CDH18: variants seen among roughly 807,000 people sequenced by gnomAD.
CDH18 encodes cadherin-18.
CDH18 carries 31 observed loss-of-function variants against 67.9 expected under a neutral mutation model. That is an observed-to-expected ratio of 0.46 (90% CI 0.34 to 0.62). The LOEUF is 0.62. Among genes scored for constraint, CDH18 ranks in the 20% least tolerant of loss-of-function variants. The pLI is 0.01. For synonymous variants in CDH18, 362 were observed against 347.2 expected (o/e 1.04, Z -0.48); for missense variants, 890 against 975.5 (o/e 0.91, Z 1.17).
intron 1 of CDH18, among the ~76,000 whole-genome samples, chr5:20,477,697 A>G (rs1445379658): frequency 2.0e-5 from 3 of 152,138 alleles, no homozygotes; most frequent in South Asian, 2.1e-4. Flanking sequence ...CTTGACAGTC[A>G]GTATAGGACA....
At chr5:19,708,445 CA>C (rs911441815) in intron 5 of CDH18, among the ~76,000 whole-genome samples, 89 of 148,732 alleles carry the variant, frequency 6.0e-4, no homozygotes, top group Non-Finnish European at 8.9e-4. Context: ...TATCATCTTG[CA>C]AAAAAAAAGG....
chr5:19,525,565 T>A (rs1747632434), intron 9 of CDH18, among the ~76,000 whole-genome samples: 1 of 152,200 alleles, frequency 6.6e-6, no homozygotes, highest in African/African-American at 2.4e-5. Flanking sequence ...TAAAGTAATT[T>A]CTGGTGCAAA....
At chr5:19,666,734 G>A (rs1335488565) in intron 5 of CDH18, among the ~76,000 whole-genome samples, 1 of 152,036 alleles carries the variant, frequency 6.6e-6, no homozygotes. Flanking sequence ...AAGAGAACTA[G>A]GATATTTCAG....
At chr5:19,907,691 T>C (rs940135639) in intron 2 of CDH18, among the ~76,000 whole-genome samples, 2 of 152,044 alleles carry the variant, frequency 1.3e-5, no homozygotes, top group African/African-American at 2.4e-5. Flanking sequence ...TGACTTTTTT[T>C]CACCTACAAT....
chr5:19,854,850 C>T (rs111836425), intron 2 of CDH18, among the ~76,000 whole-genome samples: 3,757 of 151,270 alleles, frequency 0.025, 159 homozygotes, highest in African/African-American at 0.085. Context: ...TTTTTGTATC[C>T]ATTAACCATT....
At chr5:19,576,772 A>C (rs980918730) in intron 7 of CDH18, among the ~76,000 whole-genome samples, 4 of 152,198 alleles carry the variant, frequency 2.6e-5, no homozygotes, top group Non-Finnish European at 5.9e-5. Context: ...AGTATCCCAA[A>C]GACATGGCTG....
At chr5:20,464,289 A>G (rs1324120186) in intron 1 of CDH18, among the ~76,000 whole-genome samples, 2 of 152,194 alleles carry the variant, frequency 1.3e-5, no homozygotes, top group African/African-American at 2.4e-5. Flanking sequence ...TGCACATTAA[A>G]TGTATTTGCA....
At chr5:20,539,733 TACAC>T (rs67594407) in intron 1 of CDH18, among the ~76,000 whole-genome samples, 35,642 of 146,340 alleles carry the variant, frequency 0.24, 4,554 homozygotes, top group East Asian at 0.45. Context: ...CCACCACCAC[TACAC>T]ACACACACAC....
chr5:19,842,927 G>T (rs973546091), intron 2 of CDH18, among the ~76,000 whole-genome samples: 2 of 152,146 alleles, frequency 1.3e-5, no homozygotes, highest in Non-Finnish European at 2.9e-5. Context: ...GTGCCATTTT[G>T]TCCGTGTACT....
Position 20,253,986 on chromosome 5 carries a change from G to A in CDH18, c.-518+1458C>T, listed in dbSNP as rs543851255. 2.0e-5 allele frequency among the ~76,000 whole-genome samples: 3 copies of A among 152,252 alleles called. No individual in the cohort carries two copies. The South Asian group carries it at 6.2e-4, about 32-fold the overall frequency. On this transcript the variant is annotated intron_variant, in intron 2 of 14. Transcript: ENST00000507958. ...CATCACAAAAGAAAAAGTTCTTAAA[G>A]GAAGCTAGAGAGAAGGGTCAAATCA...
At chr5:19,526,312 A>C (rs1295693139) in intron 9 of CDH18, among the ~76,000 whole-genome samples, 1 of 152,148 alleles carries the variant, frequency 6.6e-6, no homozygotes, top group Non-Finnish European at 1.5e-5. Flanking sequence ...TCTGTGCTTT[A>C]TGCAACATTA....
chr5:19,754,912 C>A (rs1450025663), intron 3 of CDH18, among the ~76,000 whole-genome samples: 1 of 152,022 alleles, frequency 6.6e-6, no homozygotes, highest in Non-Finnish European at 1.5e-5. Context: ...CCTGAATCAG[C>A]CCTGGGTCAA....
intron 1 of CDH18, among the ~76,000 whole-genome samples, chr5:20,356,605 T>C (rs1416289797): frequency 6.6e-6 from 1 of 151,830 alleles, no homozygotes; most frequent in Non-Finnish European, 1.5e-5. Context: ...GAAAATACAT[T>C]ATTAATTGAA....
intron 1 of CDH18, among the ~76,000 whole-genome samples, chr5:20,470,602 T>C (rs2150238046): frequency 6.6e-6 from 1 of 152,248 alleles, no homozygotes; most frequent in Admixed American, 6.5e-5. Context: ...CCTGCATACA[T>C]CACCTTCACT....
At chr5:19,534,086 G>T (rs956354053) in intron 9 of CDH18, among the ~76,000 whole-genome samples, 1 of 152,044 alleles carries the variant, frequency 6.6e-6, no homozygotes, top group Non-Finnish European at 1.5e-5. Flanking sequence ...AAATGTGGTG[G>T]ATATTGTGAT....
chr5:19,996,858 G>A (rs78836581), intron 2 of CDH18, among the ~76,000 whole-genome samples: 2,208 of 151,966 alleles, frequency 0.015, 61 homozygotes, highest in African/African-American at 0.05. Context: ...AACAATATGG[G>A]TCTCTGTGAA....
intron 1 of CDH18, among the ~76,000 whole-genome samples, chr5:20,547,329 G>A (rs542175734): frequency 2.0e-5 from 3 of 152,080 alleles, no homozygotes; most frequent in Non-Finnish European, 2.9e-5. Context: ...TTGGGAGGCC[G>A]AGTTGGGCGG....
rs115401121 is a variant in CDH18, at chr5:20,340,817, G to T, written c.-579-85312C>A. Among the ~76,000 whole-genome samples, 1,118 of 152,288 alleles carry T rather than the reference G, an allele frequency of 7.3e-3. 11 individuals carry two copies. Among genetic ancestry groups the T allele is most frequent in the African/African-American group, 0.025 (1,054 of 41,548 alleles). ...TGACCGTGATGAACAACTCAGGAAAGACTTTAATCCGACGTTTTCCTCAAC... is the reference window on the plus strand; with the variant it reads ...TGACCGTGATGAACAACTCAGGAAATACTTTAATCCGACGTTTTCCTCAAC... On this transcript the variant is annotated intron_variant, in intron 1 of 14. Coordinates refer to the CDH18 transcript ENST00000507958.
intron 5 of CDH18, among the ~76,000 whole-genome samples, chr5:19,627,896 G>A (rs1751798700): frequency 1.3e-5 from 2 of 152,198 alleles, no homozygotes; most frequent in Non-Finnish European, 2.9e-5. Flanking sequence ...TCAGAATGAT[G>A]ATGATGGGCC....
Sources: gnomAD v4.1 joint callset for allele counts (sites outside exome capture counted in the v4.1 genomes callset) on GRCh38, gnomAD v4.1.1 for gene constraint, MANE v1.5 for transcripts, NCBI Gene and HGNC (gene_info 2026-07-23, HGNC 2026-07-21) for gene names.